KATNAL2: variants seen among roughly 807,000 people sequenced by gnomAD.
KATNAL2 encodes the protein katanin p60 ATPase-containing subunit A-like 2.
Under a neutral mutation model 76.3 loss-of-function variants are expected in KATNAL2, and 52 were observed. That is an observed-to-expected ratio of 0.68 (90% CI 0.55 to 0.86). The LOEUF (loss-of-function observed/expected upper bound fraction) is 0.86. Among genes scored for constraint, KATNAL2 ranks in the 40% least tolerant of loss-of-function variants. The pLI is 0.00. For synonymous variants in KATNAL2, 243 were observed against 244.2 expected, an observed-to-expected ratio of 1.00 and a Z score of 0.05; for missense variants, 660 against 668.9, an observed-to-expected ratio of 0.99 and a Z score of 0.15.
chr18:47,055,701 A>G (rs570392449), intron 6 of KATNAL2, among the ~76,000 whole-genome samples: 6 of 152,366 alleles, frequency 3.9e-5, no homozygotes, highest in African/African-American at 1.4e-4. Flanking sequence ...GTGCATAGAA[A>G]TCATGAGGAG....
intron 1 of KATNAL2, among the ~76,000 whole-genome samples, chr18:46,922,309 G>T (rs548089813): frequency 2.0e-3 from 299 of 151,838 alleles, no homozygotes; most frequent in African/African-American, 7.0e-3. Flanking sequence ...TGTTGCCCAG[G>T]CTGTTTCAAA....
At chr18:47,071,956 T>C (rs11660281) in intron 13 of KATNAL2, among the ~76,000 whole-genome samples, 10,077 of 38,056 alleles carry the variant, frequency 0.26, 640 homozygotes, top group Non-Finnish European at 0.34. Context: ...ATTTCTTCTT[T>C]TTTTTTTTTT....
At chr18:46,922,393 G>A (rs990173887) in intron 1 of KATNAL2, among the ~76,000 whole-genome samples, 10 of 151,598 alleles carry the variant, frequency 6.6e-5, no homozygotes, top group Non-Finnish European at 5.9e-5. Flanking sequence ...CGCTGCTCCC[G>A]GCCTCAACTT....
chr18:47,032,812 G>T, intron 3 of KATNAL2: 1 of 1,005,066 alleles, frequency 9.9e-7, no homozygotes, highest in Non-Finnish European at 1.4e-6. Context: ...TGTTCTCCAA[G>T]CTGGGAGGTA....
chr18:46,925,476 C>G (rs956634862), intron 1 of KATNAL2, among the ~76,000 whole-genome samples: 1 of 152,114 alleles, frequency 6.6e-6, no homozygotes, highest in African/African-American at 2.4e-5. Flanking sequence ...CTGCTGGATT[C>G]GGTTTGCCAG....
intron 16 of KATNAL2, 55 bp downstream of exon 16, chr18:47,099,460 C>G (rs2057226601): frequency 6.7e-7 from 1 of 1,501,156 alleles, no homozygotes; most frequent in African/African-American, 1.4e-5. Flanking sequence ...ATATGGCCAT[C>G]TTGTAGACCA....
intron 3 of KATNAL2, chr18:47,032,888 A>C (rs1294698135): frequency 1.9e-6 from 3 of 1,585,232 alleles, no homozygotes; most frequent in Non-Finnish European, 2.6e-6. Context: ...CAAAGGCTCA[A>C]CTTTGCACCA....
chr18:47,090,518 T>C (rs781038342), intron 15 of KATNAL2, among the ~76,000 whole-genome samples: 1 of 152,178 alleles, frequency 6.6e-6, no homozygotes, highest in Non-Finnish European at 1.5e-5. Flanking sequence ...GGCAATCTGA[T>C]TGAACAATCA....
chr18:46,953,394 C>A (rs1360771817), intron 3 of KATNAL2, among the ~76,000 whole-genome samples: 1 of 152,178 alleles, frequency 6.6e-6, no homozygotes, highest in South Asian at 2.1e-4. Flanking sequence ...AATGCCAACA[C>A]TTTGGGAGGC....
At position 47,059,257 on chromosome 18, in the gene KATNAL2, C is replaced by G. The variant is rs548134667; in HGVS notation, c.451-299C>G. Among the ~76,000 whole-genome samples the G allele has an allele frequency of 7.9e-5, 12 of 152,258 alleles. No individual in the cohort carries two copies. In the South Asian group the frequency reaches 2.5e-3, roughly 32 times the overall value. On this transcript the variant is annotated intron_variant, in intron 7 of 17. Coordinates refer to ENST00000683218, the MANE Select transcript of KATNAL2 (RefSeq NM_001387690.1). The stretch of plus-strand genomic sequence containing the variant: ...ACACCCCTGATCACAGGAGAAAAGA[C>G]GAGCCAGCGAATGGGGATGGGTTGA...
At chr18:46,923,739 G>T (rs1295451571) in intron 1 of KATNAL2, among the ~76,000 whole-genome samples, 1 of 152,120 alleles carries the variant, frequency 6.6e-6, no homozygotes, top group Non-Finnish European at 1.5e-5. Context: ...AGCACCTATT[G>T]TCTCCTGACT....
At chr18:47,037,409 A>G (rs1319395922) in intron 3 of KATNAL2, among the ~76,000 whole-genome samples, 2 of 152,206 alleles carry the variant, frequency 1.3e-5, no homozygotes, top group Non-Finnish European at 1.5e-5. Flanking sequence ...CCTAGATTAG[A>G]TGTTCACTTC....
intron 3 of KATNAL2, chr18:47,032,929 T>G: frequency 6.2e-7 from 1 of 1,610,406 alleles, no homozygotes; most frequent in East Asian, 2.2e-5. Flanking sequence ...ATTGGAAGTT[T>G]CGTTCCCCAA....
chr18:46,943,586 GA>G (rs2059306867), intron 1 of KATNAL2, among the ~76,000 whole-genome samples: 1 of 152,216 alleles, frequency 6.6e-6, no homozygotes, highest in Non-Finnish European at 1.5e-5. Flanking sequence ...GGGGAGGCAT[GA>G]ATAATCCACC....
chr18:47,033,572 C>G, intron 3 of KATNAL2: 1 of 1,614,198 alleles, frequency 6.2e-7, no homozygotes, highest in Non-Finnish European at 8.5e-7. Context: ...TACAGCTGAT[C>G]GGGCCTCCAC....
At chr18:47,063,165 A>T in intron 9 of KATNAL2, 95 bp downstream of exon 9, 2 of 1,438,810 alleles carry the variant, frequency 1.4e-6, no homozygotes, top group Non-Finnish European at 1.9e-6. Flanking sequence ...CCTTGAGATC[A>T]AGTTAAAGGC....
At chr18:47,068,536 C>T (rs571956202) in intron 11 of KATNAL2, among the ~76,000 whole-genome samples, 1 of 152,186 alleles carries the variant, frequency 6.6e-6, no homozygotes, top group Non-Finnish European at 1.5e-5. Flanking sequence ...GCATTACAAG[C>T]TCCATATGTG....
chr18:47,040,232 G>T (rs560391360), intron 3 of KATNAL2, among the ~76,000 whole-genome samples: 2 of 152,230 alleles, frequency 1.3e-5, no homozygotes, highest in Admixed American at 6.5e-5. Context: ...AATTGTAAAA[G>T]ACATCATTCA....
chr18:46,955,288 C>T (rs2059710529), intron 3 of KATNAL2, among the ~76,000 whole-genome samples: 1 of 151,042 alleles, frequency 6.6e-6, no homozygotes, highest in Non-Finnish European at 1.5e-5. Context: ...ACAATCTCAG[C>T]TCACCGCAAC....
Sources: allele counts gnomAD v4.1 joint callset (sites outside exome capture counted in the v4.1 genomes callset), GRCh38; gene constraint gnomAD v4.1.1; transcripts MANE v1.5; gene names NCBI Gene and HGNC (gene_info 2026-07-23, HGNC 2026-07-21).